SGCD: variants seen among roughly 807,000 people sequenced by gnomAD.
SGCD encodes the protein sarcoglycan delta.
In SGCD, 18 loss-of-function variants were observed where a neutral mutation model predicts 36.6. The ratio of observed to expected loss-of-function variants is 0.49; its 90% confidence interval spans 0.34 to 0.73. The LOEUF is 0.73. SGCD is among the 30% of genes least tolerant of loss of function. The probability of loss-of-function intolerance (pLI) is 0.01; values close to 1 mark genes in which losing one functional copy is unlikely to be tolerated. For missense variants in SGCD, 387 were observed against 346.7 expected, an observed-to-expected ratio of 1.12 and a Z score of -0.92; for synonymous variants, 133 against 130.6, an observed-to-expected ratio of 1.02 and a Z score of -0.12.
chr5:155,862,177 G>A, the SGCD span, among the ~76,000 whole-genome samples: 1 of 151,994 alleles, frequency 6.6e-6, no homozygotes, highest in African/African-American at 2.4e-5. Flanking sequence ...CCCTATGTAA[G>A]CCTTCACTTT....
chr5:156,272,025 A>G (rs1213509760), intron 3 of SGCD, among the ~76,000 whole-genome samples: 2 of 152,134 alleles, frequency 1.3e-5, no homozygotes, highest in Admixed American at 6.6e-5. Context: ...TTTTATTTTT[A>G]TTTCAATAGT....
At chr5:155,779,829 A>G in the SGCD span, among the ~76,000 whole-genome samples, 2 of 152,064 alleles carry the variant, frequency 1.3e-5, 1 homozygote, top group East Asian at 3.9e-4. Context: ...GATTTTTCAT[A>G]TTTGCTTTTG....
In SGCD at chr5:156,269,505, A is replaced by AAAC. The variant is rs1561593282; in HGVS notation, c.-43-60027_-43-60026insCAA. Among the ~76,000 whole-genome samples the AAAC allele has an allele frequency of 8.9e-4, 77 of 86,192 alleles. 12 individuals carry two copies. Among genetic ancestry groups the AAAC allele is most frequent in the African/African-American group, 3.6e-3 (70 of 19,378 alleles). 56.5% of individuals were successfully genotyped at this position (86,192 alleles called of 152,430 possible). ...AAAAAAAAAAAAAAAAAAAAAAAAAAAAAAACCATCAGATCTCATGAAACT... is the reference window on the plus strand; with the variant it reads ...AAAAAAAAAAAAAAAAAAAAAAAAAAAACAAAAACCATCAGATCTCATGAAACT... On this transcript the variant is annotated intron_variant, in intron 3 of 9. Coordinates refer to the SGCD transcript ENST00000517913.
the SGCD span, among the ~76,000 whole-genome samples, chr5:155,802,618 A>AT: frequency 2.0e-5 from 3 of 152,206 alleles, no homozygotes; most frequent in Admixed American, 6.5e-5. Context: ...TTGCGTATCT[A>AT]TAATTTTGGT....
chr5:156,317,313 G>A (rs1767544381), intron 3 of SGCD, among the ~76,000 whole-genome samples: 1 of 152,086 alleles, frequency 6.6e-6, no homozygotes, highest in African/African-American at 2.4e-5. Flanking sequence ...TTAAGGCCTT[G>A]CACAACCATA....
chr5:156,530,410 G>C (rs12515560), intron 4 of SGCD, among the ~76,000 whole-genome samples: 3,603 of 152,284 alleles, frequency 0.024, 144 homozygotes, highest in Admixed American at 0.098. Context: ...TTGAATGACT[G>C]TATAGTTCCC....
the SGCD span, among the ~76,000 whole-genome samples, chr5:155,747,642 C>T: frequency 0.81 from 122,510 of 152,176 alleles, 50,222 homozygotes; most frequent in African/African-American, 0.94. Flanking sequence ...CCTCAAAATC[C>T]TGGCTCCACA....
upstream of SGCD, among the ~76,000 whole-genome samples, chr5:156,322,643 A>T (rs531567404): frequency 6.6e-6 from 1 of 152,216 alleles, no homozygotes; most frequent in Admixed American, 6.5e-5. Flanking sequence ...TGAATAAGAG[A>T]TAACTGCATG....
intron 3 of SGCD, among the ~76,000 whole-genome samples, chr5:156,355,044 G>A (rs1192003255): frequency 6.6e-6 from 1 of 152,166 alleles, no homozygotes; most frequent in Non-Finnish European, 1.5e-5. Flanking sequence ...AGTCACACTT[G>A]TCATGTCACA....
chr5:156,121,235 A>G (rs538414147), intron 2 of SGCD, among the ~76,000 whole-genome samples: 1 of 152,304 alleles, frequency 6.6e-6, no homozygotes, highest in East Asian at 1.9e-4. Flanking sequence ...CTGCAGCAGT[A>G]AAAACTTTAA....
intron 3 of SGCD, among the ~76,000 whole-genome samples, chr5:156,242,860 G>A (rs1765339478): frequency 6.6e-6 from 1 of 152,140 alleles, no homozygotes; most frequent in African/African-American, 2.4e-5. Context: ...ATTCTGCACA[G>A]AATCCCAGAA....
At chr5:156,421,954 G>T (rs573354187) in intron 3 of SGCD, among the ~76,000 whole-genome samples, 1 of 152,030 alleles carries the variant, frequency 6.6e-6, no homozygotes, top group South Asian at 2.1e-4. Flanking sequence ...TGCTGGGCCC[G>T]CAAGTCCATG....
intron 1 of SGCD, among the ~76,000 whole-genome samples, chr5:156,092,790 G>A (rs1243096221): frequency 6.6e-6 from 1 of 152,172 alleles, no homozygotes; most frequent in South Asian, 2.1e-4. Flanking sequence ...GAGGGATTGG[G>A]CATTCTGACA....
At chr5:156,667,624 G>A (rs544582819) in intron 7 of SGCD, among the ~76,000 whole-genome samples, 1 of 152,184 alleles carries the variant, frequency 6.6e-6, no homozygotes, top group Non-Finnish European at 1.5e-5. Context: ...ATCCATGTTG[G>A]TCAGTAGTCT....
At chr5:155,963,740 C>A (rs1283537677) in intron 1 of SGCD, among the ~76,000 whole-genome samples, 1 of 152,030 alleles carries the variant, frequency 6.6e-6, no homozygotes, top group African/African-American at 2.4e-5. Flanking sequence ...TCCTTATTCT[C>A]CTCTTTGCTA....
chr5:156,515,851 G>A (rs992558234), intron 4 of SGCD, among the ~76,000 whole-genome samples: 1 of 152,232 alleles, frequency 6.6e-6, no homozygotes, highest in Non-Finnish European at 1.5e-5. Context: ...TGGAGACTAG[G>A]TGGTTTGGAT....
chr5:156,478,366 C>G (rs1755280957), intron 3 of SGCD, among the ~76,000 whole-genome samples: 1 of 152,134 alleles, frequency 6.6e-6, no homozygotes, highest in African/African-American at 2.4e-5. Flanking sequence ...GATCAGGCAC[C>G]TGTGCAGGTG....
chr5:156,654,771 T>C (rs1298806698), intron 7 of SGCD, among the ~76,000 whole-genome samples: 2 of 152,074 alleles, frequency 1.3e-5, no homozygotes, highest in Admixed American at 6.6e-5. Context: ...ATTTTAAAGT[T>C]AAAAAAGAGT....
At chr5:156,090,743 A>G (rs578017913) in intron 1 of SGCD, among the ~76,000 whole-genome samples, 2 of 152,152 alleles carry the variant, frequency 1.3e-5, no homozygotes, top group Non-Finnish European at 2.9e-5. Context: ...ACCGCATAAG[A>G]CAGACACTCC....
Sources: allele counts gnomAD v4.1 joint callset (sites outside exome capture counted in the v4.1 genomes callset), GRCh38; gene constraint gnomAD v4.1.1; transcripts MANE v1.5; gene names NCBI Gene and HGNC (gene_info 2026-07-23, HGNC 2026-07-21).